TRAPPC12: variants seen among roughly 807,000 people sequenced by gnomAD.
TRAPPC12 encodes TPR repeat protein 15.
A neutral mutation model predicts 69.2 loss-of-function variants in TRAPPC12; 61 were observed. That is an observed-to-expected ratio of 0.88 (90% confidence interval 0.72 to 1.09). The LOEUF (loss-of-function observed/expected upper bound fraction) is 1.09, where lower values mean the gene tolerates loss of function less well. Ranked by LOEUF, TRAPPC12 falls within the 50% of genes least tolerant of loss-of-function variation. The probability of loss-of-function intolerance (pLI) is 0.00; values close to 1 mark genes in which losing one functional copy is unlikely to be tolerated. For missense variants in TRAPPC12, 1,101 were observed against 1,016.4 expected (o/e 1.08, Z -1.13); for synonymous variants, 469 against 438.9 (o/e 1.07, Z -0.86).
chr2:3,398,465 G>A (rs1346381529), intron 2 of TRAPPC12, among the ~76,000 whole-genome samples: 2 of 152,196 alleles, frequency 1.3e-5, no homozygotes, highest in East Asian at 3.8e-4. Context: ...ACCCTGCCAG[G>A]ATAAACAGGC....
chr2:3,420,516 C>T (rs1355152406), intron 3 of TRAPPC12, among the ~76,000 whole-genome samples: 1 of 152,206 alleles, frequency 6.6e-6, no homozygotes, highest in Non-Finnish European at 1.5e-5. Context: ...GGACAGATGA[C>T]CTCAGCTCTG....
intron 6 of TRAPPC12, among the ~76,000 whole-genome samples, chr2:3,444,902 C>T (rs1664429540): frequency 6.6e-6 from 1 of 152,168 alleles, no homozygotes. Flanking sequence ...GCTTTCTGTA[C>T]TATATCAGTT....
chr2:3,390,471 G>A (rs1367398635), intron 2 of TRAPPC12, among the ~76,000 whole-genome samples: 2 of 152,164 alleles, frequency 1.3e-5, no homozygotes, highest in Non-Finnish European at 2.9e-5. Flanking sequence ...TAATTGCAAA[G>A]AATCTGAAAT....
chr2:3,424,477 C>T, intron 4 of TRAPPC12, 48 bp from the exon 5 acceptor site: 2 of 1,559,232 alleles, frequency 1.3e-6, no homozygotes, highest in Non-Finnish European at 1.7e-6. Flanking sequence ...AAATTCTGAA[C>T]TGGATATATG....
chr2:3,447,548 A>G (rs1572174863), intron 6 of TRAPPC12, among the ~76,000 whole-genome samples: 1 of 152,114 alleles, frequency 6.6e-6, no homozygotes, highest in Non-Finnish European at 1.5e-5. Flanking sequence ...GAACTCATTC[A>G]TTGCCATAGG....
rs561675618 is a variant in TRAPPC12 at position 3,402,972 on chromosome 2, G to C, written c.1164+1079G>C. Among the ~76,000 whole-genome samples, 26 of 152,274 alleles carry C rather than the reference G, an allele frequency of 1.7e-4. No individual in the cohort carries two copies. In the South Asian group the frequency reaches 5.4e-3, roughly 32 times the overall value. ...ACTTTCTTGAAGGGGTTTGGAGAGT[G>C]AGGTCCTTGATTTTGGGAATAAGTC... On this transcript the variant is annotated intron_variant, in intron 3 of 11. Transcript: ENST00000324266.
chr2:3,426,582 A>G (rs1404499777), intron 5 of TRAPPC12, among the ~76,000 whole-genome samples: 3 of 152,244 alleles, frequency 2.0e-5, no homozygotes, highest in African/African-American at 7.2e-5. Flanking sequence ...AACTTGCTGA[A>G]GGGCCCTCAC....
intron 9 of TRAPPC12, among the ~76,000 whole-genome samples, chr2:3,475,641 C>A (rs1248313647): frequency 6.6e-6 from 1 of 152,120 alleles, no homozygotes; most frequent in South Asian, 2.1e-4. Flanking sequence ...TCTCTGTTAT[C>A]TTCCTCTGAG....
chr2:3,424,061 C>T (rs572720765), intron 4 of TRAPPC12, among the ~76,000 whole-genome samples: 1 of 152,294 alleles, frequency 6.6e-6, no homozygotes, highest in South Asian at 2.1e-4. Flanking sequence ...CCGTTCCCGC[C>T]GTCATTCCCC....
At chr2:3,386,053 G>C (rs1019202534) in intron 1 of TRAPPC12, among the ~76,000 whole-genome samples, 2 of 152,228 alleles carry the variant, frequency 1.3e-5, no homozygotes, top group Non-Finnish European at 2.9e-5. Flanking sequence ...AAGGGAATTA[G>C]TAGCTGACCA....
intron 5 of TRAPPC12, among the ~76,000 whole-genome samples, chr2:3,431,737 A>G (rs184264219): frequency 1.3e-5 from 2 of 152,330 alleles, no homozygotes; most frequent in Admixed American, 6.5e-5. Context: ...AACAGCTTGC[A>G]TTGGTGTGGT....
chr2:3,448,933 T>C (rs1664704455), intron 6 of TRAPPC12, among the ~76,000 whole-genome samples: 1 of 152,222 alleles, frequency 6.6e-6, no homozygotes, highest in Non-Finnish European at 1.5e-5. Context: ...ATGTGTGTTT[T>C]AGATTAGAAC....
At position 3,388,158 on chromosome 2, in the gene TRAPPC12, ATGG is replaced by A; in HGVS notation, c.538_540del (p.Val180del). ...CTCCGGGGACGGCTTCGAGCCGCAG[ATGG>A]TGAAGTCGCCCAGCTTCGGTGGCGC... On this transcript the variant is annotated inframe_deletion, in exon 2 of 12. Transcript: ENST00000324266. 1 of 1,606,918 alleles carries A rather than the reference ATGG, an allele frequency of 6.2e-7. No individual in the cohort carries two copies. The highest frequency in any genetic ancestry group is 8.5e-7 in the Non-Finnish European group (1 of 1,177,150).
At chr2:3,428,540 A>G (rs1486175386) in intron 5 of TRAPPC12, among the ~76,000 whole-genome samples, 1 of 152,252 alleles carries the variant, frequency 6.6e-6, no homozygotes, top group Non-Finnish European at 1.5e-5. Context: ...CATTCAGAAT[A>G]TTCATAACAA....
intron 3 of TRAPPC12, among the ~76,000 whole-genome samples, chr2:3,419,036 C>T (rs1273985574): frequency 1.3e-5 from 2 of 152,214 alleles, no homozygotes. Flanking sequence ...CTGCCCTCTG[C>T]TCCCTGTGCC....
intron 5 of TRAPPC12, among the ~76,000 whole-genome samples, chr2:3,442,519 C>G (rs149645068): frequency 3.3e-4 from 51 of 152,300 alleles, no homozygotes; most frequent in African/African-American, 1.1e-3. Context: ...CAGGCTGTAA[C>G]TTAAGCTCGG....
chr2:3,412,102 A>G (rs1382746762), intron 3 of TRAPPC12, among the ~76,000 whole-genome samples: 2 of 152,190 alleles, frequency 1.3e-5, no homozygotes, highest in Non-Finnish European at 2.9e-5. Context: ...CTATGAATTT[A>G]CTGTCTGTTC....
At chr2:3,386,179 G>C (rs1430591174) in intron 1 of TRAPPC12, among the ~76,000 whole-genome samples, 3 of 152,142 alleles carry the variant, frequency 2.0e-5, no homozygotes, top group Non-Finnish European at 4.4e-5. Flanking sequence ...AGTGAGAAAA[G>C]GGTAGTCTTA....
intron 9 of TRAPPC12, among the ~76,000 whole-genome samples, chr2:3,466,854 G>A (rs2103156538): frequency 6.6e-6 from 1 of 152,328 alleles, no homozygotes; most frequent in South Asian, 2.1e-4. Context: ...CGTTACCTGT[G>A]TGAGAAAGCT....
Sources: allele counts gnomAD v4.1 joint callset (sites outside exome capture counted in the v4.1 genomes callset), GRCh38; gene constraint gnomAD v4.1.1; transcripts MANE v1.5; gene names NCBI Gene and HGNC (gene_info 2026-07-23, HGNC 2026-07-21).